The following KHDRBS2 variants were observed in gnomAD, a reference collection of about 807,000 sequenced individuals.
The protein encoded by KHDRBS2 is KH RNA binding domain containing, signal transduction associated 2.
KHDRBS2 carries 26 observed loss-of-function variants against 44.3 expected under a neutral mutation model. The ratio of observed to expected loss-of-function variants is 0.59; its 90% CI spans 0.43 to 0.81. The LOEUF is 0.81. Among genes scored for constraint, KHDRBS2 ranks in the 40% least tolerant of loss-of-function variants. The pLI is 0.00. For missense variants in KHDRBS2, 476 were observed against 433.1 expected, an observed-to-expected ratio of 1.10 and a Z score of -0.88; for synonymous variants, 194 against 151.1, an observed-to-expected ratio of 1.28 and a Z score of -2.08.
chr6:61,724,593 C>T (rs1443569930), intron 7 of KHDRBS2, among the ~76,000 whole-genome samples: 1 of 151,984 alleles, frequency 6.6e-6, no homozygotes, highest in Non-Finnish European at 1.5e-5. Flanking sequence ...CACACATAGG[C>T]TCAAAATAAA....
chr6:61,881,040 G>A (rs1412267043), intron 6 of KHDRBS2, among the ~76,000 whole-genome samples: 2 of 151,886 alleles, frequency 1.3e-5, no homozygotes, highest in Non-Finnish European at 2.9e-5. Context: ...GAGGAGGAAA[G>A]ATAAGAGGAG....
At chr6:61,567,175 TC>T in the KHDRBS2 span, among the ~76,000 whole-genome samples, 1 of 152,212 alleles carries the variant, frequency 6.6e-6, no homozygotes, top group Non-Finnish European at 1.5e-5. Context: ...GATCCCATGT[TC>T]TTGAGAAAGA....
intron 3 of KHDRBS2, among the ~76,000 whole-genome samples, chr6:61,978,893 T>C (rs550601954): frequency 6.6e-6 from 1 of 152,186 alleles, no homozygotes; most frequent in East Asian, 1.9e-4. Flanking sequence ...ACTAGGTTGG[T>C]GGAAAAGCAA....
chr6:61,840,408 A>C (rs1156936184), intron 6 of KHDRBS2, among the ~76,000 whole-genome samples: 1 of 152,132 alleles, frequency 6.6e-6, no homozygotes, highest in Non-Finnish European at 1.5e-5. Flanking sequence ...AATCAATATA[A>C]TATAAATAAT....
chr6:61,684,936 T>C (rs1766659826), intron 8 of KHDRBS2, among the ~76,000 whole-genome samples: 1 of 151,418 alleles, frequency 6.6e-6, no homozygotes, highest in Admixed American at 6.6e-5. Flanking sequence ...TAATAAAGCA[T>C]CACTAAACAC....
At chr6:61,970,788 A>G (rs1771219470) in intron 4 of KHDRBS2, among the ~76,000 whole-genome samples, 2 of 152,046 alleles carry the variant, frequency 1.3e-5, no homozygotes, top group African/African-American at 4.8e-5. Flanking sequence ...ATTCTTCATG[A>G]CCTTTTCACA....
the KHDRBS2 span, among the ~76,000 whole-genome samples, chr6:61,654,022 G>A: frequency 6.6e-6 from 1 of 151,874 alleles, no homozygotes; most frequent in Non-Finnish European, 1.5e-5. Flanking sequence ...ATACTACGTT[G>A]CTTTGTGGCC....
the KHDRBS2 span, among the ~76,000 whole-genome samples, chr6:61,602,082 C>T: frequency 1.3e-5 from 2 of 152,036 alleles, no homozygotes; most frequent in Non-Finnish European, 2.9e-5. Flanking sequence ...GTCAAAAGGC[C>T]GTCTTATTCT....
At chr6:61,930,731 A>G (rs1809891759) in intron 4 of KHDRBS2, among the ~76,000 whole-genome samples, 2 of 114,114 alleles carry the variant, frequency 1.8e-5, no homozygotes, top group African/African-American at 6.1e-5. Context: ...ACGGCTAATC[A>G]ATATAAGTCA....
At chr6:62,143,616 C>A (rs1369318777) in intron 2 of KHDRBS2, among the ~76,000 whole-genome samples, 1 of 151,938 alleles carries the variant, frequency 6.6e-6, no homozygotes, top group Non-Finnish European at 1.5e-5. Flanking sequence ...CAGTTCCATG[C>A]ACTTTCTTCT....
At chr6:61,721,366 G>C (rs537032331) in intron 7 of KHDRBS2, among the ~76,000 whole-genome samples, 2 of 151,950 alleles carry the variant, frequency 1.3e-5, no homozygotes, top group Admixed American at 6.6e-5. Context: ...AAATTACCTC[G>C]GGCAGTATGG....
intron 6 of KHDRBS2, 115 bp downstream of exon 6, chr6:61,894,520 C>A (rs1218235213): frequency 3.8e-6 from 3 of 796,954 alleles, no homozygotes; most frequent in African/African-American, 1.7e-5. Flanking sequence ...AAATGACATT[C>A]GTTTCTGCAA....
chr6:62,121,751 C>T (rs567638479), intron 2 of KHDRBS2, among the ~76,000 whole-genome samples: 100 of 152,284 alleles, frequency 6.6e-4, no homozygotes, highest in African/African-American at 2.2e-3. Flanking sequence ...ATTGATTACA[C>T]TATGCTGATT....
chr6:61,773,681 C>T (rs1781412518), intron 6 of KHDRBS2, among the ~76,000 whole-genome samples: 1 of 151,300 alleles, frequency 6.6e-6, no homozygotes, highest in Non-Finnish European at 1.5e-5. Flanking sequence ...GCTTTTGTTG[C>T]CATTGCTTTT....
chr6:62,275,761 T>G (rs1840835512), intron 1 of KHDRBS2, among the ~76,000 whole-genome samples: 1 of 152,152 alleles, frequency 6.6e-6, no homozygotes, highest in African/African-American at 2.4e-5. Context: ...GGCTGCTTTT[T>G]GACACTCTTT....
the KHDRBS2 span, among the ~76,000 whole-genome samples, chr6:61,597,405 T>C: frequency 1.6e-4 from 24 of 151,996 alleles, no homozygotes; most frequent in Admixed American, 3.9e-4. Flanking sequence ...CCCCTAGGGC[T>C]CTGTGAGGTG....
intron 6 of KHDRBS2, among the ~76,000 whole-genome samples, chr6:61,751,901 C>G (rs950225335): frequency 5.0e-5 from 6 of 120,292 alleles, no homozygotes; most frequent in African/African-American, 2.4e-4. Flanking sequence ...GCTGCCTTCT[C>G]ATTGTGTCAT....
Position 61,882,768 on chromosome 6 carries a change from A to C in KHDRBS2, c.810+11867T>G, listed in dbSNP as rs535971337. Among the ~76,000 whole-genome samples the C allele has an allele frequency of 2.4e-4, 37 of 152,130 alleles. No homozygotes were observed. In the South Asian group the frequency reaches 6.2e-3, roughly 26 times the overall value. On this transcript the variant is annotated intron_variant, in intron 6 of 8. Transcript: ENST00000281156. ...TTTTCCACTAAATAGGGAATCCATAACAGAAAAGGCCCAAAATGTGGAAAA... is the reference window on the plus strand; with the variant it reads ...TTTTCCACTAAATAGGGAATCCATACCAGAAAAGGCCCAAAATGTGGAAAA...
At chr6:62,002,958 C>T (rs1282361790) in intron 3 of KHDRBS2, among the ~76,000 whole-genome samples, 2 of 152,100 alleles carry the variant, frequency 1.3e-5, no homozygotes, top group East Asian at 3.9e-4. Context: ...TCAAACCATT[C>T]TGAGGATTTG....
Sources: gnomAD v4.1 joint callset for allele counts (sites outside exome capture counted in the v4.1 genomes callset) on GRCh38, gnomAD v4.1.1 for gene constraint, MANE v1.5 for transcripts, NCBI Gene and HGNC (gene_info 2026-07-23, HGNC 2026-07-21) for gene names.